MAN2A1: variants seen among roughly 807,000 people sequenced by gnomAD.
MAN2A1 encodes alpha-mannosidase 2.
MAN2A1 carries 76 observed loss-of-function variants against 142.6 expected under a neutral mutation model. The ratio of observed to expected loss-of-function variants is 0.53; its 90% CI spans 0.44 to 0.65. The LOEUF (loss-of-function observed/expected upper bound fraction) is 0.65. MAN2A1 is among the 30% of genes least tolerant of loss of function. The pLI, the probability that MAN2A1 is intolerant of heterozygous loss-of-function variation, is 0.00. For synonymous variants in MAN2A1, 559 were observed against 473.2 expected (o/e 1.18, Z -2.35); for missense variants, 1,311 against 1,365.1 (o/e 0.96, Z 0.62).
intron 4 of MAN2A1, among the ~76,000 whole-genome samples, chr5:109,737,345 G>C (rs1275386963): frequency 6.6e-6 from 1 of 151,898 alleles, no homozygotes; most frequent in Non-Finnish European, 1.5e-5. Flanking sequence ...CTCTGGTCTT[G>C]AACTCTTGAA....
chr5:109,772,397 C>A (rs1372332423), intron 7 of MAN2A1, among the ~76,000 whole-genome samples: 1 of 152,176 alleles, frequency 6.6e-6, no homozygotes, highest in Non-Finnish European at 1.5e-5. Context: ...AAACTTCTTA[C>A]AAGTATTGAA....
intron 8 of MAN2A1, among the ~76,000 whole-genome samples, chr5:109,780,605 T>A (rs1753431459): frequency 6.6e-6 from 1 of 152,112 alleles, no homozygotes; most frequent in Non-Finnish European, 1.5e-5. Context: ...ACACATTCCC[T>A]GTTAAATAAT....
Position 109,729,996 on chromosome 5 carries a change from G to A in MAN2A1, c.707+483G>A, listed in dbSNP as rs1040017616. On this transcript the variant is annotated intron_variant, in intron 4 of 21. Transcript: ENST00000261483. Reference sequence around the variant, plus strand: ...AACAGTGCAAGACTCTGCCTTGGGGGAAAAAAATCCTATGTTACAACTTTG... The same window carrying A: ...AACAGTGCAAGACTCTGCCTTGGGGAAAAAAAATCCTATGTTACAACTTTG... Among the ~76,000 whole-genome samples, 5 of 152,032 alleles carry A rather than the reference G, an allele frequency of 3.3e-5. No individual in the cohort carries two copies. In the East Asian group the frequency reaches 9.6e-4, roughly 29 times the overall value.
At chr5:109,767,514 A>C (rs754040222) in intron 5 of MAN2A1, 21 bp from the exon 6 acceptor site, 3 of 1,592,008 alleles carry the variant, frequency 1.9e-6, no homozygotes, top group East Asian at 2.2e-5. Flanking sequence ...AAAAATTAAC[A>C]CTTATCATCT....
At chr5:109,835,211 T>C (rs187718820) in intron 16 of MAN2A1, among the ~76,000 whole-genome samples, 2 of 152,314 alleles carry the variant, frequency 1.3e-5, no homozygotes, top group Admixed American at 1.3e-4. Context: ...ATGATTAAAA[T>C]ACAAAACAAA....
At chr5:109,817,912 T>G (rs1404999086) in intron 13 of MAN2A1, among the ~76,000 whole-genome samples, 3 of 152,162 alleles carry the variant, frequency 2.0e-5, no homozygotes, top group East Asian at 1.9e-4. Context: ...TTAAGATGCT[T>G]CTTTTGTGAG....
chr5:109,850,879 A>G (rs1208867984), intron 19 of MAN2A1, among the ~76,000 whole-genome samples: 1 of 152,202 alleles, frequency 6.6e-6, no homozygotes, highest in African/African-American at 2.4e-5. Context: ...TTTCTTTTAA[A>G]TAAGAAATGA....
In MAN2A1 at chr5:109,784,769, G is replaced by A. The variant is rs769778981; in HGVS notation, c.1603G>A (p.Ala535Thr). ...GGCTGCTGAAATTCTTTACTATTTC[G>A]CCCTGAGACAAGCTCACAAATACAA... ...LRAAEILYYF[A>T]LRQAHKYKIN... The change falls in exon 10 of 22, where the codon GCC becomes ACC. Residue 535 changes from alanine (A) to threonine (T), a missense_variant. Ala to Thr is a moderately conservative substitution (Grantham distance 58). This residue lies in a region of MAN2A1 where 890 missense variants were observed against 920.5 expected (regional missense o/e 0.97). Transcript: ENST00000261483. 32 of 1,600,000 alleles carry A rather than the reference G, an allele frequency of 2.0e-5. No individual in the cohort carries two copies. Among genetic ancestry groups the A allele is most frequent in the South Asian group, 2.3e-5 (2 of 87,524 alleles).
chr5:109,848,466 T>G (rs1174787973), intron 19 of MAN2A1, among the ~76,000 whole-genome samples: 1 of 152,222 alleles, frequency 6.6e-6, no homozygotes, highest in Non-Finnish European at 1.5e-5. Context: ...TGCAAGTCCT[T>G]TCTGCTCTTT....
chr5:109,846,738 T>G (rs1247587219), intron 18 of MAN2A1, among the ~76,000 whole-genome samples: 1 of 152,166 alleles, frequency 6.6e-6, no homozygotes, highest in Non-Finnish European at 1.5e-5. Flanking sequence ...CAAGCCCACT[T>G]TTTACATGAG....
At chr5:109,766,867 C>G (rs537119842) in intron 5 of MAN2A1, among the ~76,000 whole-genome samples, 1 of 151,882 alleles carries the variant, frequency 6.6e-6, no homozygotes, top group Non-Finnish European at 1.5e-5. Flanking sequence ...ACATTTTATC[C>G]TCTGTGAAAT....
intron 2 of MAN2A1, among the ~76,000 whole-genome samples, chr5:109,714,042 T>C (rs1751383138): frequency 6.6e-6 from 1 of 152,146 alleles, no homozygotes; most frequent in Admixed American, 6.5e-5. Flanking sequence ...TTATTTTCTG[T>C]AATAGTTGAA....
At chr5:109,727,939 A>G (rs759354294) in intron 3 of MAN2A1, among the ~76,000 whole-genome samples, 35 of 152,068 alleles carry the variant, frequency 2.3e-4, no homozygotes, top group Admixed American at 3.9e-4. Flanking sequence ...GGTTTTAAAA[A>G]TAGACACAGT....
intron 4 of MAN2A1, among the ~76,000 whole-genome samples, chr5:109,735,038 T>C (rs1752046724): frequency 6.6e-6 from 1 of 152,238 alleles, no homozygotes; most frequent in Non-Finnish European, 1.5e-5. Flanking sequence ...ATGACTTGCT[T>C]TGTGAAACTG....
At chr5:109,746,831 A>G (rs570564356) in intron 4 of MAN2A1, among the ~76,000 whole-genome samples, 2 of 152,076 alleles carry the variant, frequency 1.3e-5, no homozygotes, top group African/African-American at 2.4e-5. Flanking sequence ...TGACTACTCT[A>G]TTAGGTGCCT....
chr5:109,703,855 T>G (rs1238010376), intron 1 of MAN2A1, among the ~76,000 whole-genome samples: 1 of 152,248 alleles, frequency 6.6e-6, no homozygotes, highest in Non-Finnish European at 1.5e-5. Context: ...ATGTAATAGC[T>G]TGATGTCTAA....
chr5:109,867,157 GAAAA>G lies in MAN2A1; in HGVS notation c.*177_*180del, dbSNP rs11351742. On this transcript the variant is annotated 3_prime_UTR_variant, in exon 22 of 22. Transcript: ENST00000261483. ...CTTTTTTCTTTTACCAGTACAGTAA[GAAAA>G]AAAAAAAAAAAAAAAAAGCCATGCT... 46 of 93,802 alleles carry G rather than the reference GAAAA, an allele frequency of 4.9e-4. No individual in the cohort carries two copies. Among genetic ancestry groups the G allele is most frequent in the Non-Finnish European group, 7.5e-4 (36 of 47,968 alleles). 5.8% of individuals were successfully genotyped at this position (93,802 alleles called of 1,614,324 possible).
chr5:109,733,710 G>A (rs1448900907), intron 4 of MAN2A1, among the ~76,000 whole-genome samples: 1 of 152,118 alleles, frequency 6.6e-6, no homozygotes, highest in Non-Finnish European at 1.5e-5. Context: ...CAGGGATGAA[G>A]CCCACTTGAT....
intron 12 of MAN2A1, among the ~76,000 whole-genome samples, chr5:109,801,130 C>A (rs1010405133): frequency 7.2e-5 from 11 of 152,118 alleles, no homozygotes; most frequent in African/African-American, 2.4e-4. Context: ...TTTTATTATT[C>A]TTATGGACAA....
Sources: gnomAD v4.1 joint callset for allele counts (sites outside exome capture counted in the v4.1 genomes callset) on GRCh38, gnomAD v4.1.1 for gene constraint, gnomAD v4.1.1 regional missense constraint, MANE v1.5 for transcripts, NCBI Gene and HGNC (gene_info 2026-07-23, HGNC 2026-07-21) for gene names.